PRKCB: variants seen among roughly 807,000 people sequenced by gnomAD.
PRKCB encodes protein kinase C beta.
Under a neutral mutation model 81.5 loss-of-function variants are expected in PRKCB, and 13 were observed. The ratio of observed to expected loss-of-function variants is 0.16; its 90% CI spans 0.10 to 0.25. The LOEUF (loss-of-function observed/expected upper bound fraction) is 0.25. PRKCB is among the 10% of genes least tolerant of loss of function. The pLI, the probability that PRKCB is intolerant of heterozygous loss-of-function variation, is 1.00. For missense variants in PRKCB, 509 were observed against 875.7 expected (o/e 0.58, Z 5.29); for synonymous variants, 335 against 321.4 (o/e 1.04, Z -0.45).
intron 3 of PRKCB, among the ~76,000 whole-genome samples, chr16:23,995,930 A>T (rs1485169463): frequency 6.6e-6 from 1 of 151,916 alleles, no homozygotes; most frequent in African/African-American, 2.4e-5. Context: ...TCACTTTAGG[A>T]CATCCCTGAG....
intron 8 of PRKCB, among the ~76,000 whole-genome samples, chr16:24,121,187 T>C (rs1489654850): frequency 6.6e-6 from 1 of 152,236 alleles, no homozygotes; most frequent in East Asian, 1.9e-4. Flanking sequence ...ATAAATGCTG[T>C]TCCTGCTGCC....
intron 3 of PRKCB, among the ~76,000 whole-genome samples, chr16:23,999,275 C>CCA (rs1965001612): frequency 6.6e-6 from 1 of 152,186 alleles, no homozygotes; most frequent in South Asian, 2.1e-4. Context: ...CAGGCGGTGA[C>CCA]CTTGGACAAG....
rs572732601 is a variant in PRKCB, at chr16:23,843,905, C to T, written c.205+6499C>T. ...ACACATTTGTACTGTTGGGGTCTCT[C>T]TTCTCTCTGTCTCTGCTTATCCTTC... On this transcript the variant is annotated intron_variant, in intron 2 of 16. Coordinates refer to ENST00000643927, the MANE Select transcript of PRKCB (RefSeq NM_002738.7). Among the ~76,000 whole-genome samples the T allele has an allele frequency of 2.6e-4, 40 of 151,664 alleles. 1 individual carries two copies. Among genetic ancestry groups the T allele is most frequent in the Admixed American group, 2.0e-3 (31 of 15,234 alleles).
chr16:24,209,053 T>C (rs1385811113), intron 16 of PRKCB, among the ~76,000 whole-genome samples: 1 of 152,160 alleles, frequency 6.6e-6, no homozygotes, highest in African/African-American at 2.4e-5. Flanking sequence ...GCTGTTTCAC[T>C]GTCTCCCATC....
chr16:23,885,520 G>A (rs1316262716), intron 2 of PRKCB, among the ~76,000 whole-genome samples: 1 of 152,080 alleles, frequency 6.6e-6, no homozygotes, highest in Non-Finnish European at 1.5e-5. Context: ...TCTTGGCCAG[G>A]CTGGTCTCAA....
chr16:24,035,857 CCTT>C (rs1240799297), intron 5 of PRKCB, among the ~76,000 whole-genome samples: 2 of 152,206 alleles, frequency 1.3e-5, no homozygotes, highest in African/African-American at 2.4e-5. Flanking sequence ...TCCCTTCTCT[CCTT>C]CTCATTTCCC....
chr16:23,837,264 G>A, intron 1 of PRKCB, 111 bp from the exon 2 acceptor site: 1 of 1,391,064 alleles, frequency 7.2e-7, no homozygotes, highest in Non-Finnish European at 1.0e-6. Context: ...GTGGCTGGGA[G>A]TTTGCACCTG....
intron 2 of PRKCB, among the ~76,000 whole-genome samples, chr16:23,953,061 G>T (rs528832896): frequency 6.6e-6 from 1 of 152,144 alleles, no homozygotes; most frequent in African/African-American, 2.4e-5. Context: ...GCATTATTGC[G>T]TTTAATCATC....
intron 2 of PRKCB, among the ~76,000 whole-genome samples, chr16:23,967,188 G>C (rs544315707): frequency 6.6e-6 from 1 of 152,170 alleles, no homozygotes; most frequent in Admixed American, 6.5e-5. Context: ...CCTCTCCTGC[G>C]TGGAGGTTAT....
At chr16:24,038,477 G>A (rs1396375630) in intron 5 of PRKCB, among the ~76,000 whole-genome samples, 1 of 152,270 alleles carries the variant, frequency 6.6e-6, no homozygotes, top group Non-Finnish European at 1.5e-5. Context: ...GGAAAACGAA[G>A]TCTCAGCAAG....
chr16:23,885,919 C>T (rs1963191113), intron 2 of PRKCB, among the ~76,000 whole-genome samples: 1 of 152,054 alleles, frequency 6.6e-6, no homozygotes, highest in African/African-American at 2.4e-5. Flanking sequence ...CGATATTGGG[C>T]GGCAGGAGGT....
At chr16:23,837,522 T>G in intron 2 of PRKCB, 116 bp downstream of exon 2, 1 of 1,308,486 alleles carries the variant, frequency 7.6e-7, no homozygotes, top group Non-Finnish European at 1.1e-6. Context: ...CGGAGTGACC[T>G]CCCAGGCTAG....
intron 16 of PRKCB, among the ~76,000 whole-genome samples, chr16:24,193,073 C>T (rs1279200539): frequency 6.6e-6 from 1 of 152,078 alleles, no homozygotes; most frequent in African/African-American, 2.4e-5. Flanking sequence ...GATGCTCTCA[C>T]CTCAGCCTCC....
Position 23,851,254 on chromosome 16 carries a change from G to A in PRKCB, c.205+13848G>A, listed in dbSNP as rs866819831. Among the ~76,000 whole-genome samples, 19 of 152,314 alleles carry A rather than the reference G, an allele frequency of 1.2e-4. No homozygotes were observed. The South Asian group carries it at 3.5e-3, about 28-fold the overall frequency. ...CTTTAATCAATTTTGAGTTGATTGT[G>A]TATGTGGTTTGTAAGATAAAGGTCT... On this transcript the variant is annotated intron_variant, in intron 2 of 16. Coordinates refer to ENST00000643927, the MANE Select transcript of PRKCB (RefSeq NM_002738.7).
intron 15 of PRKCB, among the ~76,000 whole-genome samples, chr16:24,190,039 G>C (rs143168824): frequency 1.3e-5 from 2 of 152,244 alleles, no homozygotes; most frequent in Non-Finnish European, 2.9e-5. Context: ...ACAAGAGGAA[G>C]CCTGTCTGGT....
intron 2 of PRKCB, among the ~76,000 whole-genome samples, chr16:23,969,843 T>C (rs1964533528): frequency 1.3e-5 from 2 of 152,142 alleles, no homozygotes; most frequent in Non-Finnish European, 2.9e-5. Flanking sequence ...ACAGATATGA[T>C]ATTTCAGGGA....
chr16:24,111,024 A>G (rs1277842103), intron 7 of PRKCB: 1 of 152,248 alleles, frequency 6.6e-6, no homozygotes, highest in Non-Finnish European at 1.5e-5. Flanking sequence ...GGATAAAGTT[A>G]AAGTTTACCC....
At chr16:23,889,659 G>A (rs1404429442) in intron 2 of PRKCB, among the ~76,000 whole-genome samples, 1 of 152,212 alleles carries the variant, frequency 6.6e-6, no homozygotes, top group African/African-American at 2.4e-5. Context: ...ACATGTAATT[G>A]CTGGTTCTAG....
chr16:24,014,207 C>A (rs1965244001), intron 3 of PRKCB, among the ~76,000 whole-genome samples: 2 of 152,030 alleles, frequency 1.3e-5, no homozygotes, highest in Admixed American at 1.3e-4. Flanking sequence ...TACGGGACCC[C>A]CCACTTAGCA....
Sources: gnomAD v4.1 joint callset for allele counts (sites outside exome capture counted in the v4.1 genomes callset) on GRCh38, gnomAD v4.1.1 for gene constraint, MANE v1.5 for transcripts, NCBI Gene and HGNC (gene_info 2026-07-23, HGNC 2026-07-21) for gene names.